ADAM12: variants seen among roughly 807,000 people sequenced by gnomAD.
ADAM12 encodes disintegrin and metalloproteinase domain-containing protein 12.
A neutral mutation model predicts 106.4 loss-of-function variants in ADAM12; 70 were observed. That is an observed-to-expected ratio of 0.66 (90% CI 0.54 to 0.80). ADAM12 has a LOEUF of 0.80. Ranked by LOEUF, ADAM12 falls within the 30% of genes least tolerant of loss-of-function variation. ADAM12 has a pLI of 0.00. For missense variants in ADAM12, 1,010 were observed against 1,171.9 expected, an observed-to-expected ratio of 0.86 and a Z score of 2.02; for synonymous variants, 420 against 433.5, an observed-to-expected ratio of 0.97 and a Z score of 0.39.
At chr10:126,224,660 T>C (rs891697786) in intron 3 of ADAM12, among the ~76,000 whole-genome samples, 4 of 152,170 alleles carry the variant, frequency 2.6e-5, no homozygotes, top group Non-Finnish European at 5.9e-5. Flanking sequence ...TTCACCTGAA[T>C]CACAACATAC....
intron 3 of ADAM12, among the ~76,000 whole-genome samples, chr10:126,266,878 G>A (rs1012782707): frequency 5.3e-5 from 8 of 152,044 alleles, no homozygotes; most frequent in Non-Finnish European, 7.4e-5. Flanking sequence ...GGGGGATGCC[G>A]CTAAACCACG....
At chr10:126,313,594 G>A (rs1204673401) in intron 2 of ADAM12, among the ~76,000 whole-genome samples, 1 of 142,104 alleles carries the variant, frequency 7.0e-6, no homozygotes, top group Non-Finnish European at 1.6e-5. Flanking sequence ...TTCAAGGTGT[G>A]AGCCCCATCC....
chr10:126,057,713 C>A (rs1017238211), intron 14 of ADAM12, among the ~76,000 whole-genome samples: 1 of 152,170 alleles, frequency 6.6e-6, no homozygotes, highest in Non-Finnish European at 1.5e-5. Context: ...GAACCACACA[C>A]TGGCCACACC....
At chr10:126,042,517 A>G (rs528529457) in intron 18 of ADAM12, among the ~76,000 whole-genome samples, 2 of 152,304 alleles carry the variant, frequency 1.3e-5, no homozygotes, top group South Asian at 2.1e-4. Context: ...GAGTTGTATA[A>G]GGAGGGGATG....
At position 126,237,914 on chromosome 10, in the gene ADAM12, A is replaced by G. The variant is rs1019582424; in HGVS notation, c.260+41001T>C. Among the ~76,000 whole-genome samples, 4 of 152,246 alleles carry G rather than the reference A, an allele frequency of 2.6e-5. No individual in the cohort carries two copies. The South Asian group carries it at 8.3e-4, about 32-fold the overall frequency. On this transcript the variant is annotated intron_variant, in intron 3 of 22. Coordinates refer to ENST00000448723, the MANE Select transcript of ADAM12 (RefSeq NM_001288973.2). ...TCATTCTGTGCTCTCAACAGTGCCC[A>G]GCACAGTGCACTGAACTCAGGAGTG...
intron 5 of ADAM12, among the ~76,000 whole-genome samples, chr10:126,134,455 C>A (rs1956368169): frequency 6.6e-6 from 1 of 152,188 alleles, no homozygotes; most frequent in Non-Finnish European, 1.5e-5. Flanking sequence ...GGGGAATTCC[C>A]AGCTTGCATT....
intron 1 of ADAM12, among the ~76,000 whole-genome samples, chr10:126,341,998 C>T (rs1214041328): frequency 2.0e-5 from 3 of 152,302 alleles, no homozygotes; most frequent in South Asian, 4.2e-4. Context: ...AAACCTCATG[C>T]GTTTTCATGG....
At chr10:126,234,664 T>C (rs1958380275) in intron 3 of ADAM12, among the ~76,000 whole-genome samples, 1 of 152,186 alleles carries the variant, frequency 6.6e-6, no homozygotes, top group Admixed American at 6.5e-5. Flanking sequence ...TGTCCACCTA[T>C]GTGGATGCTC....
intron 7 of ADAM12, among the ~76,000 whole-genome samples, chr10:126,108,907 A>G (rs561272469): frequency 3.3e-5 from 5 of 152,360 alleles, no homozygotes; most frequent in African/African-American, 1.2e-4. Context: ...TTCCAGCCTC[A>G]TAAATGATGG....
At chr10:126,214,888 G>A (rs1295576499) in intron 3 of ADAM12, among the ~76,000 whole-genome samples, 2 of 152,114 alleles carry the variant, frequency 1.3e-5, no homozygotes, top group African/African-American at 4.8e-5. Flanking sequence ...GATGCCACTC[G>A]GCTGCTCGCC....
At position 126,127,730 on chromosome 10, in the gene ADAM12, A is replaced by G. The variant is rs74963541; in HGVS notation, c.416+7854T>C. Among the ~76,000 whole-genome samples, 211 of 152,342 alleles carry G rather than the reference A, an allele frequency of 1.4e-3. 1 individual carries two copies. In the East Asian group the frequency reaches 0.033, roughly 24 times the overall value. On this transcript the variant is annotated intron_variant, in intron 5 of 22. Transcript: ENST00000448723. ...CACCTGCTATGCTACCAGAACTACAATGTATGAGGAAATGCATGACAGCAC... is the reference window on the plus strand; with the variant it reads ...CACCTGCTATGCTACCAGAACTACAGTGTATGAGGAAATGCATGACAGCAC...
intron 3 of ADAM12, among the ~76,000 whole-genome samples, chr10:126,202,694 C>T (rs182459217): frequency 1.0e-3 from 154 of 152,274 alleles, no homozygotes; most frequent in Middle Eastern, 6.8e-3. Flanking sequence ...CTACTCACAA[C>T]GTACAATTTT....
At chr10:126,058,356 T>C (rs2133462638) in intron 14 of ADAM12, among the ~76,000 whole-genome samples, 1 of 152,378 alleles carries the variant, frequency 6.6e-6, no homozygotes, top group East Asian at 1.9e-4. Context: ...ACTGTGGTTC[T>C]GCAAACACAG....
chr10:126,280,270 T>C (rs1029012881), intron 2 of ADAM12, among the ~76,000 whole-genome samples: 1 of 152,142 alleles, frequency 6.6e-6, no homozygotes, highest in Non-Finnish European at 1.5e-5. Context: ...ACTAAGGCCA[T>C]ATAACTGGGG....
At chr10:126,374,120 T>G (rs1168324180) in intron 1 of ADAM12, among the ~76,000 whole-genome samples, 1 of 152,198 alleles carries the variant, frequency 6.6e-6, no homozygotes, top group Middle Eastern at 3.2e-3. Context: ...TTCAAGCCTT[T>G]GCCACATGGG....
At chr10:126,266,919 C>G (rs951637044) in intron 3 of ADAM12, among the ~76,000 whole-genome samples, 1 of 152,162 alleles carries the variant, frequency 6.6e-6, no homozygotes, top group African/African-American at 2.4e-5. Flanking sequence ...ATCCAATCAC[C>G]TCCCACCAGG....
chr10:126,129,407 G>GGGCT, intron 5 of ADAM12, among the ~76,000 whole-genome samples: 1 of 152,368 alleles, frequency 6.6e-6, no homozygotes. Context: ...GAGCATGACA[G>GGGCT]GGCTGGACGT....
At chr10:126,182,381 A>G (rs1957328573) in intron 3 of ADAM12, among the ~76,000 whole-genome samples, 1 of 151,506 alleles carries the variant, frequency 6.6e-6, no homozygotes, top group South Asian at 2.1e-4. Context: ...TTCCTTAACC[A>G]GGGACCAAGA....
At chr10:126,098,215 C>A (rs780058237) in intron 10 of ADAM12, among the ~76,000 whole-genome samples, 31 of 152,216 alleles carry the variant, frequency 2.0e-4, no homozygotes, top group Non-Finnish European at 3.8e-4. Flanking sequence ...ACATGCCCAC[C>A]TTTCCTGTGT....
Sources: allele counts gnomAD v4.1 joint callset (sites outside exome capture counted in the v4.1 genomes callset), GRCh38; gene constraint gnomAD v4.1.1; transcripts MANE v1.5; gene names NCBI Gene and HGNC (gene_info 2026-07-23, HGNC 2026-07-21).